The following YARS1 variants were observed in gnomAD, a reference collection of about 807,000 sequenced individuals.
YARS1 encodes the protein tyrosyl-tRNA synthetase 1, also known as tyrosine--tRNA ligase, cytoplasmic.
In YARS1, 36 loss-of-function variants were observed where a neutral mutation model predicts 62.2. The observed-to-expected ratio is 0.58, with a 90% CI of 0.44 to 0.76. The LOEUF (loss-of-function observed/expected upper bound fraction) is 0.76. YARS1 is among the 30% of genes least tolerant of loss of function. YARS1 has a pLI of 0.00. For missense variants in YARS1, 524 were observed against 639.8 expected (o/e 0.82, Z 1.95); for synonymous variants, 234 against 244.9 (o/e 0.96, Z 0.42).
intron 6 of YARS1, among the ~76,000 whole-genome samples, chr1:32,789,315 GT>G (rs1334357283): frequency 6.6e-6 from 1 of 152,092 alleles, no homozygotes; most frequent in Non-Finnish European, 1.5e-5. Flanking sequence ...GTTCAAAATT[GT>G]TTTTTGAAAG....
At chr1:32,779,935 G>A in intron 11 of YARS1, 150 bp downstream of exon 11, 1 of 871,144 alleles carries the variant, frequency 1.1e-6, no homozygotes. Flanking sequence ...TGTACGATAA[G>A]TCCTTCATGC....
chr1:32,805,465 T>A (rs1638438210), intron 4 of YARS1, among the ~76,000 whole-genome samples: 1 of 152,116 alleles, frequency 6.6e-6, no homozygotes, highest in East Asian at 1.9e-4. Context: ...ACTACAATCT[T>A]CTCTATATCA....
chr1:32,783,777 TGCTGC>T (rs1653134519), intron 8 of YARS1: 1 of 152,246 alleles, frequency 6.6e-6, no homozygotes, highest in African/African-American at 2.4e-5. Flanking sequence ...GCTCTAGGGC[TGCTGC>T]TGTCCAATAT....
chr1:32,815,560 T>C (rs1264958956), intron 1 of YARS1, among the ~76,000 whole-genome samples: 1 of 152,212 alleles, frequency 6.6e-6, no homozygotes, highest in Non-Finnish European at 1.5e-5. Context: ...ACAAAATGTA[T>C]ATCCATACAA....
At chr1:32,807,146 G>A (rs1234405554) in intron 3 of YARS1, among the ~76,000 whole-genome samples, 3 of 152,128 alleles carry the variant, frequency 2.0e-5, no homozygotes, top group Admixed American at 6.5e-5. Context: ...AAGACAGACA[G>A]ACCCTGCATT....
intron 1 of YARS1, chr1:32,811,324 A>G (rs1361803037): frequency 4.0e-6 from 2 of 502,300 alleles, no homozygotes; most frequent in Non-Finnish European, 7.3e-6. Context: ...CCCCTTCCTC[A>G]AGGACTTAAC....
intron 4 of YARS1, among the ~76,000 whole-genome samples, chr1:32,798,704 C>T (rs1173595745): frequency 6.6e-6 from 1 of 152,166 alleles, no homozygotes; most frequent in South Asian, 2.1e-4. Flanking sequence ...CATCTATAGT[C>T]CCAGCTACTC....
At chr1:32,808,080 G>T (rs1305519628) in intron 3 of YARS1, among the ~76,000 whole-genome samples, 7 of 151,662 alleles carry the variant, frequency 4.6e-5, no homozygotes, top group African/African-American at 1.5e-4. Flanking sequence ...TAATTTTTTT[G>T]ATTTTTAGTA....
chr1:32,811,111 C>T, intron 1 of YARS1, 54 bp from the exon 2 acceptor site: 20 of 1,611,730 alleles, frequency 1.2e-5, no homozygotes, highest in Non-Finnish European at 1.5e-5. Flanking sequence ...CTTGCTCATC[C>T]TTTACCATGT....
intron 5 of YARS1, among the ~76,000 whole-genome samples, chr1:32,796,397 G>A (rs975520759): frequency 2.0e-5 from 3 of 148,674 alleles, no homozygotes; most frequent in African/African-American, 7.4e-5. Context: ...ACAAGGTCTT[G>A]CTTTGTCACC....
intron 3 of YARS1, among the ~76,000 whole-genome samples, chr1:32,807,039 G>T (rs939037507): frequency 6.6e-6 from 1 of 152,180 alleles, no homozygotes; most frequent in African/African-American, 2.4e-5. Context: ...TGCTCAGAGG[G>T]AGTCTGGAAC....
chr1:32,779,679 C>G (rs1569705625), intron 11 of YARS1, 156 bp from the exon 12 acceptor site: 2 of 908,722 alleles, frequency 2.2e-6, no homozygotes, highest in East Asian at 2.6e-5. Context: ...TTGCTACATC[C>G]CTGCATATCA....
At position 32,810,956 on chromosome 1, in the gene YARS1, A is replaced by T. The variant is rs775505592; in HGVS notation, c.159T>A (p.Phe53Leu). 1 of 1,614,164 alleles carries T rather than the reference A, an allele frequency of 6.2e-7. No homozygotes were observed. Among genetic ancestry groups the T allele is most frequent in the South Asian group, 1.1e-5 (1 of 91,080 alleles). The change falls in exon 2 of 13, where the codon TTT becomes TTA. Residue 53 changes from phenylalanine to leucine, a missense_variant. Physicochemically the swap from Phe to Leu is conservative, Grantham distance 22. Coordinates refer to ENST00000373477, the MANE Select transcript of YARS1 (RefSeq NM_003680.4). ...AGTCTGCAATCTTTGACATGGGCAC[A>T]AAGTAAGCCACATGTGGTTTGCCCG... ...ATTGKPHVAY[F>L]VPMSKIADFL...
chr1:32,797,778 G>GA lies in YARS1; in HGVS notation c.575dup (p.Thr193HisfsTer41). The GA allele has an allele frequency of 6.2e-7, 1 of 1,614,152 alleles. No individual in the cohort carries two copies. ...AGACACTCACCTTCTCTGCAAAGGT[G>GA]AAAATCTTTCTCTGATCAATGCCTC... On this transcript the variant is annotated frameshift_variant, in exon 5 of 13. Transcript: ENST00000373477. LOFTEE classifies it high-confidence loss of function.
Position 32,775,994 on chromosome 1 carries a change from C to T in YARS1, c.1574G>A (p.Gly525Glu), listed in dbSNP as rs774982567. Residue 525 changes from glycine to glutamate, a missense_variant, in exon 13 of 13, where the codon GGG becomes GAG. Physicochemically the swap from Gly to Glu is moderately conservative, Grantham distance 98. Coordinates refer to ENST00000373477, the MANE Select transcript of YARS1 (RefSeq NM_003680.4). ...ATGCTGGGCTGGCTAGCTAATGTTCCCCCCTTTCAGCGATTTACAGGAAAT... is the reference window on the plus strand; with the variant it reads ...ATGCTGGGCTGGCTAGCTAATGTTCTCCCCTTTCAGCGATTTACAGGAAAT... Reference protein sequence around the residue: ...GSISCKSLKGGNIS With the variant: ...GSISCKSLKGENIS The T allele has an allele frequency of 9.9e-6, 16 of 1,614,040 alleles. No homozygotes were observed. The highest frequency in any genetic ancestry group is 1.3e-5 in the African/African-American group (1 of 75,018).
At chr1:32,806,390 G>C in intron 4 of YARS1, 92 bp downstream of exon 4, 1 of 1,598,230 alleles carries the variant, frequency 6.3e-7, no homozygotes, top group Non-Finnish European at 8.6e-7. Flanking sequence ...CACAATATCT[G>C]CGTAGTGCAG....
At chr1:32,781,219 G>T in intron 9 of YARS1, 74 bp from the exon 10 acceptor site, 1 of 1,178,078 alleles carries the variant, frequency 8.5e-7, no homozygotes, top group South Asian at 1.2e-5. Flanking sequence ...ACCACGTTAA[G>T]ACACTGAGAT....
At chr1:32,790,736 T>G (rs1363444539) in intron 6 of YARS1, 1 of 179,520 alleles carries the variant, frequency 5.6e-6, no homozygotes, top group Non-Finnish European at 1.2e-5. Flanking sequence ...CACGTTCTAA[T>G]GATCAGAACC....
intron 4 of YARS1, among the ~76,000 whole-genome samples, chr1:32,799,241 G>T (rs945102403): frequency 1.3e-5 from 2 of 152,208 alleles, no homozygotes; most frequent in African/African-American, 4.8e-5. Context: ...GAACTTCAAG[G>T]GAGGTGGGAA....
Sources: allele counts gnomAD v4.1 joint callset (sites outside exome capture counted in the v4.1 genomes callset), GRCh38; gene constraint gnomAD v4.1.1; transcripts MANE v1.5; gene names NCBI Gene and HGNC (gene_info 2026-07-23, HGNC 2026-07-21).